The following MYT1L variants were observed in gnomAD, a reference collection of about 807,000 sequenced individuals.
MYT1L encodes the protein myelin transcription factor 1-like protein.
MYT1L carries 12 observed loss-of-function variants against 126.7 expected under a neutral mutation model. The ratio of observed to expected loss-of-function variants is 0.09; its 90% CI spans 0.06 to 0.15. The LOEUF (loss-of-function observed/expected upper bound fraction) is 0.15. Among genes scored for constraint, MYT1L ranks in the 10% least tolerant of loss-of-function variants. MYT1L has a pLI of 1.00. For missense variants in MYT1L, 979 were observed against 1,585.2 expected, an observed-to-expected ratio of 0.62 and a Z score of 6.49; for synonymous variants, 541 against 604.2, an observed-to-expected ratio of 0.90 and a Z score of 1.53.
rs569519633 is a variant in MYT1L, at chr2:1,891,921, G to A, written c.2283+116C>T. On this transcript the variant is annotated intron_variant, in intron 15 of 24. Transcript: ENST00000647738. The stretch of plus-strand genomic sequence containing the variant: ...TCACAGTGGCGAGAATGGTTTAGGA[G>A]ATCACGGCGTTTGCCCCATACAGCT... 77 of 1,425,056 alleles carry A rather than the reference G, an allele frequency of 5.4e-5. 1 individual carries two copies. In the South Asian group the frequency reaches 1.1e-3, roughly 20 times the overall value. The allele number at this position is 1,425,056 out of a possible 1,614,324, so 88.3% of individuals were successfully genotyped here. A position where few individuals can be genotyped will look rare whatever the true frequency, so the allele number is the denominator to read the frequency against.
At chr2:2,309,985 G>C (rs1397316534) in intron 1 of MYT1L, among the ~76,000 whole-genome samples, 1 of 147,982 alleles carries the variant, frequency 6.8e-6, no homozygotes, top group Non-Finnish European at 1.5e-5. Flanking sequence ...TTGGTATACT[G>C]TACCCATACT....
chr2:1,847,402 C>T (rs1229126333), intron 19 of MYT1L, among the ~76,000 whole-genome samples: 1 of 152,172 alleles, frequency 6.6e-6, no homozygotes, highest in Non-Finnish European at 1.5e-5. Flanking sequence ...GTGGACTTGA[C>T]TTCTGCATTG....
intron 2 of MYT1L, among the ~76,000 whole-genome samples, chr2:2,175,906 G>T (rs76912118): frequency 0.11 from 16,223 of 152,256 alleles, 851 homozygotes; most frequent in African/African-American, 0.13. Context: ...AGCCGTAGGA[G>T]CTCCTTGCTC....
intron 4 of MYT1L, among the ~76,000 whole-genome samples, chr2:2,029,440 C>G (rs1461137360): frequency 6.6e-6 from 1 of 152,178 alleles, no homozygotes; most frequent in African/African-American, 2.4e-5. Flanking sequence ...CAGGGGAACT[C>G]CCATTTATAA....
intron 2 of MYT1L, among the ~76,000 whole-genome samples, chr2:2,282,618 G>A (rs2095464241): frequency 6.6e-6 from 1 of 152,164 alleles, no homozygotes; most frequent in African/African-American, 2.4e-5. Context: ...TTAACAGTGT[G>A]AAAGGTTTTA....
chr2:2,038,651 GTTGC>G (rs145872783), intron 4 of MYT1L, among the ~76,000 whole-genome samples: 92 of 152,110 alleles, frequency 6.0e-4, no homozygotes, highest in African/African-American at 1.9e-3. Flanking sequence ...GTAATGTGAC[GTTGC>G]TTGTTTGCTT....
chr2:1,840,900 C>CTTTTTTTT (rs1197637882), intron 19 of MYT1L, 57 bp from the exon 20 acceptor site: 5 of 759,556 alleles, frequency 6.6e-6, no homozygotes, highest in Non-Finnish European at 5.8e-6. Context: ...AGTGAGCTTT[C>CTTTTTTTT]TTTCTTTTTT....
chr2:2,319,252 A>C (rs1386216349), intron 1 of MYT1L: 1 of 152,150 alleles, frequency 6.6e-6, no homozygotes, highest in Non-Finnish European at 1.5e-5. Context: ...CTAGGGCTTC[A>C]CCATGCCAAA....
At position 2,004,956 on chromosome 2, in the gene MYT1L, AT is replaced by A. The variant is rs1558704745; in HGVS notation, c.-157-7610del. On this transcript the variant is annotated intron_variant, in intron 4 of 24. Transcript: ENST00000647738. ...CTTTCCTGCATGCGTTCTTTCCTGC[AT>A]GCGTTCTTTCCTGCATGCCTTCTTT... Among the ~76,000 whole-genome samples, 227 of 139,800 alleles carry A rather than the reference AT, an allele frequency of 1.6e-3. 1 individual carries two copies. Among genetic ancestry groups the A allele is most frequent in the African/African-American group, 5.7e-3 (208 of 36,754 alleles). The allele number at this position is 139,800 out of a possible 152,430, so 91.7% of individuals were successfully genotyped here.
intron 5 of MYT1L, among the ~76,000 whole-genome samples, chr2:1,982,645 G>A (rs1253133830): frequency 6.6e-6 from 1 of 152,212 alleles, no homozygotes; most frequent in Admixed American, 6.5e-5. Flanking sequence ...CCAAAGGCTT[G>A]GAGAGACAGG....
At chr2:2,043,301 C>A (rs2067762266) in intron 4 of MYT1L, among the ~76,000 whole-genome samples, 1 of 152,024 alleles carries the variant, frequency 6.6e-6, no homozygotes. Context: ...TTTCCAGAAA[C>A]CTTGTTCTAG....
At position 2,146,531 on chromosome 2, in the gene MYT1L, C is replaced by T. The variant is rs550764185; in HGVS notation, c.-304+26341G>A. Reference sequence around the variant, plus strand: ...CTGCTGTCTGCTTCTCAGCCCACCCCTGGAGACAGATACGACCCCTAGATC... The same window carrying T: ...CTGCTGTCTGCTTCTCAGCCCACCCTTGGAGACAGATACGACCCCTAGATC... On this transcript the variant is annotated intron_variant, in intron 3 of 24. Transcript: ENST00000647738. Among the ~76,000 whole-genome samples, 4 of 152,324 alleles carry T rather than the reference C, an allele frequency of 2.6e-5. No homozygotes were observed. In the South Asian group the frequency reaches 8.3e-4, roughly 32 times the overall value.
chr2:2,006,564 T>C (rs1477727750), intron 4 of MYT1L, among the ~76,000 whole-genome samples: 1 of 152,118 alleles, frequency 6.6e-6, no homozygotes, highest in Non-Finnish European at 1.5e-5. Flanking sequence ...TACGTGTATT[T>C]GAGCTTTTAT....
chr2:2,236,756 CT>C (rs2094319020), intron 2 of MYT1L, among the ~76,000 whole-genome samples: 1 of 146,712 alleles, frequency 6.8e-6, no homozygotes, highest in Non-Finnish European at 1.5e-5. Context: ...ATTGGTTGTC[CT>C]TTCTTCTTCT....
At chr2:2,252,753 C>A (rs1196825303) in intron 2 of MYT1L, among the ~76,000 whole-genome samples, 1 of 152,102 alleles carries the variant, frequency 6.6e-6, no homozygotes, top group East Asian at 1.9e-4. Context: ...TTCATCTGTC[C>A]TCACCTCCCC....
At chr2:2,113,697 A>G (rs1236563559) in intron 3 of MYT1L, among the ~76,000 whole-genome samples, 1 of 152,212 alleles carries the variant, frequency 6.6e-6, no homozygotes, top group Non-Finnish European at 1.5e-5. Context: ...TTTAACCTTC[A>G]AAAAGTTATG....
intron 2 of MYT1L, among the ~76,000 whole-genome samples, chr2:2,220,752 G>C (rs577175826): frequency 1.3e-5 from 2 of 150,450 alleles, no homozygotes; most frequent in South Asian, 4.2e-4. Flanking sequence ...AGCAAGTCAC[G>C]ATATATATAT....
At chr2:2,153,572 A>C (rs1234214026) in intron 3 of MYT1L, among the ~76,000 whole-genome samples, 1 of 152,180 alleles carries the variant, frequency 6.6e-6, no homozygotes, top group Admixed American at 6.5e-5. Flanking sequence ...AAAGTGAGGA[A>C]GAGGAAAATC....
chr2:2,049,432 G>A (rs956271063), intron 4 of MYT1L, among the ~76,000 whole-genome samples: 1 of 152,118 alleles, frequency 6.6e-6, no homozygotes, highest in African/African-American at 2.4e-5. Context: ...TAACAACATT[G>A]GCTTGGAAGT....
Sources: allele counts gnomAD v4.1 joint callset (sites outside exome capture counted in the v4.1 genomes callset), GRCh38; gene constraint gnomAD v4.1.1; transcripts MANE v1.5; gene names NCBI Gene and HGNC (gene_info 2026-07-23, HGNC 2026-07-21).